The following RC3H1 variants were observed in gnomAD, a reference collection of about 807,000 sequenced individuals.
The protein encoded by RC3H1 is roquin-1.
In RC3H1, 50 loss-of-function variants were observed where a neutral mutation model predicts 138.2. That is an observed-to-expected ratio of 0.36 (90% CI 0.29 to 0.46). The LOEUF (loss-of-function observed/expected upper bound fraction) is 0.46. Ranked by LOEUF, RC3H1 falls within the 20% of genes least tolerant of loss-of-function variation. The pLI is 1.00. For missense variants in RC3H1, 1,031 were observed against 1,388.1 expected (o/e 0.74, Z 4.09); for synonymous variants, 462 against 489.1 (o/e 0.94, Z 0.73).
At position 173,936,755 on chromosome 1, in the gene RC3H1, ATATATATTTTTT is replaced by A. The variant is rs1256436733; in HGVS notation, c.*1954_*1965del. 9.3e-3 allele frequency: 377 copies of A among 40,658 alleles called. 1 individual carries two copies. Among genetic ancestry groups the A allele is most frequent in the African/African-American group, 0.033 (75 of 2,288 alleles). 2.5% of individuals were successfully genotyped at this position (40,658 alleles called of 1,614,324 possible). A position where few individuals can be genotyped will look rare whatever the true frequency, so the allele number is the denominator to read the frequency against. ...CATATATATATATATATATATATAT[ATATATATTTTTT>A]TTTTTTTTTTTAAAAAAAGAAGACA... On this transcript the variant is annotated 3_prime_UTR_variant, in exon 20 of 20. Transcript: ENST00000367696.
At chr1:173,963,941 A>G in intron 11 of RC3H1, 32 bp downstream of exon 11, 2 of 1,569,744 alleles carry the variant, frequency 1.3e-6, no homozygotes, top group Non-Finnish European at 1.8e-6. Context: ...AATTCCTAAG[A>G]AAAGTTAGCA....
chr1:173,941,212 G>T, intron 19 of RC3H1, 53 bp downstream of exon 19: 1 of 1,014,760 alleles, frequency 9.9e-7, no homozygotes, highest in Non-Finnish European at 1.6e-6. Context: ...TAATATATTA[G>T]TTTCTCTTTT....
At chr1:173,940,208 A>G (rs1658787267) in intron 19 of RC3H1, among the ~76,000 whole-genome samples, 1 of 152,200 alleles carries the variant, frequency 6.6e-6, no homozygotes. Context: ...GCGGTGGCTC[A>G]TACCTGTAAT....
chr1:174,019,058 A>T (rs1216959271), intron 1 of RC3H1, among the ~76,000 whole-genome samples: 1 of 152,226 alleles, frequency 6.6e-6, no homozygotes, highest in East Asian at 1.9e-4. Flanking sequence ...ATTTAAAAAA[A>T]TTTATAAAGT....
At chr1:173,974,283 A>T (rs1001269888) in intron 7 of RC3H1, among the ~76,000 whole-genome samples, 1 of 143,866 alleles carries the variant, frequency 7.0e-6, no homozygotes, top group Non-Finnish European at 1.5e-5. Flanking sequence ...GTCTCAAAAA[A>T]AAAAAAAAAA....
chr1:173,964,205 T>C lies in RC3H1; in HGVS notation c.1617-18A>G, dbSNP rs759278263. 2 of 1,576,290 alleles carry C rather than the reference T, an allele frequency of 1.3e-6. No homozygotes were observed. Among genetic ancestry groups the C allele is most frequent in the East Asian group, 2.2e-5 (1 of 44,650 alleles). On this transcript the variant is annotated intron_variant, in intron 10 of 19. Transcript: ENST00000367696. ...ATTCTAGCCTAAGGGAATAATATTA[T>C]GGAAGTTGTTTAAAAAATACTTCTC...
rs759733346 is a variant in RC3H1 at position 173,943,591 on chromosome 1, G to C, written c.2986C>G (p.Gln996Glu). The stretch of plus-strand genomic sequence containing the variant: ...CCTGCCAGGGTGTTTGCCTCCCTCT[G>C]CAACACCAGCCTGTTACTAACAGCC... ...LEAVSNRLVL[Q>E]REANTLAGQS... The change falls in exon 18 of 20, where the codon CAG (glutamine) becomes GAG (glutamate). Residue 996 changes from glutamine (Q) to glutamate (E), a missense_variant. Physicochemically the swap from Gln to Glu is conservative, Grantham distance 29. Transcript: ENST00000367696. The C allele has an allele frequency of 1.2e-5, 19 of 1,613,418 alleles. No individual in the cohort carries two copies. Among genetic ancestry groups the C allele is most frequent in the Non-Finnish European group, 1.6e-5 (19 of 1,179,722 alleles).
At chr1:173,971,501 A>T (rs1245627886) in intron 8 of RC3H1, among the ~76,000 whole-genome samples, 1 of 152,204 alleles carries the variant, frequency 6.6e-6, no homozygotes, top group African/African-American at 2.4e-5. Flanking sequence ...TACAAATGAC[A>T]CTTATTATTT....
chr1:173,940,140 T>C (rs1380260811), intron 19 of RC3H1, among the ~76,000 whole-genome samples: 1 of 152,080 alleles, frequency 6.6e-6, no homozygotes, highest in Non-Finnish European at 1.5e-5. Context: ...GCTGGGTTTG[T>C]AAAACTAGCA....
At chr1:173,954,418 A>C (rs1659547727) in intron 13 of RC3H1, among the ~76,000 whole-genome samples, 1 of 152,016 alleles carries the variant, frequency 6.6e-6, no homozygotes, top group Non-Finnish European at 1.5e-5. Context: ...AGAGACTAGA[A>C]AGGGAATGGG....
chr1:173,968,317 T>A (rs1660207963), intron 9 of RC3H1, among the ~76,000 whole-genome samples: 1 of 152,214 alleles, frequency 6.6e-6, no homozygotes, highest in African/African-American at 2.4e-5. Flanking sequence ...ATGGTGAGAT[T>A]TAAATTCGGA....
intron 13 of RC3H1, among the ~76,000 whole-genome samples, chr1:173,958,093 GA>G (rs1659721394): frequency 6.6e-6 from 1 of 151,622 alleles, no homozygotes; most frequent in African/African-American, 2.4e-5. Flanking sequence ...GCAATGTTTA[GA>G]ATCATAATTC....
intron 7 of RC3H1, among the ~76,000 whole-genome samples, chr1:173,977,068 G>A (rs981666446): frequency 1.3e-5 from 2 of 152,038 alleles, no homozygotes; most frequent in Admixed American, 6.5e-5. Context: ...GACTACAGGC[G>A]CCCGCCACCA....
intron 13 of RC3H1, among the ~76,000 whole-genome samples, chr1:173,958,371 C>T (rs899721641): frequency 3.3e-5 from 5 of 151,924 alleles, no homozygotes; most frequent in African/African-American, 4.8e-5. Context: ...GGTGAAACCC[C>T]ATCTTTACTA....
At position 173,961,012 on chromosome 1, in the gene RC3H1, A is replaced by G. The variant is rs550617507; in HGVS notation, c.2370+65T>C. On this transcript the variant is annotated intron_variant, in intron 13 of 19. Transcript: ENST00000367696. Reference sequence around the variant, plus strand: ...TCTTCACACCATTGGGAATAGGCAAAGATGACTTAAACCGGACACACACAA... The same window carrying G: ...TCTTCACACCATTGGGAATAGGCAAGGATGACTTAAACCGGACACACACAA... 34 of 1,501,304 alleles carry G rather than the reference A, an allele frequency of 2.3e-5. No individual in the cohort carries two copies. In the East Asian group the frequency reaches 7.7e-4, roughly 34 times the overall value. The allele number at this position is 1,501,304 out of a possible 1,614,324, so 93.0% of individuals were successfully genotyped here.
intron 9 of RC3H1, among the ~76,000 whole-genome samples, chr1:173,967,148 C>T (rs577698462): frequency 2.0e-5 from 3 of 152,006 alleles, no homozygotes; most frequent in Non-Finnish European, 4.4e-5. Flanking sequence ...CATGGGAAAA[C>T]TGTCTCTACC....
chr1:173,942,825 C>CA (rs1183284940), intron 18 of RC3H1, among the ~76,000 whole-genome samples: 2,349 of 134,656 alleles, frequency 0.017, 63 homozygotes, highest in African/African-American at 0.059. Context: ...GACTCCGCCT[C>CA]AAAAAAAAAA....
intron 8 of RC3H1, 32 bp from the exon 9 acceptor site, chr1:173,970,649 AT>A: frequency 7.4e-7 from 1 of 1,351,942 alleles, no homozygotes; most frequent in East Asian, 2.3e-5. Flanking sequence ...TAGATGTGTA[AT>A]AACCCCCCAC....
intron 1 of RC3H1, among the ~76,000 whole-genome samples, chr1:174,004,459 T>C (rs1351731683): frequency 6.6e-6 from 1 of 152,042 alleles, no homozygotes; most frequent in African/African-American, 2.4e-5. Context: ...TGTTATCCTA[T>C]ATAGGTTAGC....
Sources: gnomAD v4.1 joint callset for allele counts (sites outside exome capture counted in the v4.1 genomes callset) on GRCh38, gnomAD v4.1.1 for gene constraint, MANE v1.5 for transcripts, NCBI Gene and HGNC (gene_info 2026-07-23, HGNC 2026-07-21) for gene names.